Variants in ADGRL3 observed in about 807,000 individuals in gnomAD.
ADGRL3 encodes calcium-independent alpha-latrotoxin receptor 3.
In ADGRL3, 62 loss-of-function variants were observed where a neutral mutation model predicts 153.5. That is an observed-to-expected ratio of 0.40 (90% CI 0.33 to 0.50). The LOEUF (loss-of-function observed/expected upper bound fraction) is 0.50, where lower values mean the gene tolerates loss of function less well. Ranked by LOEUF, ADGRL3 falls within the 20% of genes least tolerant of loss-of-function variation. The pLI, the probability that ADGRL3 is intolerant of heterozygous loss-of-function variation, is 0.47. For synonymous variants in ADGRL3, 710 were observed against 672.5 expected, an observed-to-expected ratio of 1.06 and a Z score of -0.86; for missense variants, 1,641 against 1,859.4, an observed-to-expected ratio of 0.88 and a Z score of 2.16.
At chr4:61,501,035 G>T (rs977366816) in intron 3 of ADGRL3, among the ~76,000 whole-genome samples, 1 of 152,096 alleles carries the variant, frequency 6.6e-6, no homozygotes, top group African/African-American at 2.4e-5. Context: ...CAGAAACATT[G>T]ACCATCTGCC....
chr4:61,611,945 G>T (rs575919286), intron 5 of ADGRL3, among the ~76,000 whole-genome samples: 13 of 152,064 alleles, frequency 8.5e-5, no homozygotes, highest in Non-Finnish European at 1.3e-4. Context: ...TATATGGAAA[G>T]AAATCTTTTA....
intron 4 of ADGRL3, among the ~76,000 whole-genome samples, chr4:61,523,113 C>T (rs1041210603): frequency 6.6e-6 from 1 of 151,884 alleles, no homozygotes; most frequent in East Asian, 1.9e-4. Context: ...GCATATGAGA[C>T]GATGATGAGT....
At chr4:61,759,556 C>T (rs550163581) in intron 8 of ADGRL3, among the ~76,000 whole-genome samples, 2 of 152,194 alleles carry the variant, frequency 1.3e-5, no homozygotes, top group African/African-American at 4.8e-5. Context: ...ATTGGTTATT[C>T]TAGTTAGCCA....
Position 61,458,413 on chromosome 4 carries a change from T to G in ADGRL3, c.-173-38708T>G, listed in dbSNP as rs180785758. Among the ~76,000 whole-genome samples, 54 of 151,428 alleles carry G rather than the reference T, an allele frequency of 3.6e-4. No individual in the cohort carries two copies. In the East Asian group the frequency reaches 9.9e-3, roughly 28 times the overall value. On this transcript the variant is annotated intron_variant, in intron 2 of 26. Coordinates refer to ENST00000683033, the MANE Select transcript of ADGRL3 (RefSeq NM_001387552.1). ...AATTATTTGATGAGAAGGATTAATA[T>G]ATTATTAATTTTAGGACCAGAAGTA... is the stretch of plus-strand genomic sequence containing the variant.
intron 4 of ADGRL3, among the ~76,000 whole-genome samples, chr4:61,582,170 T>G (rs2149293709): frequency 6.6e-6 from 1 of 152,176 alleles, no homozygotes; most frequent in South Asian, 2.1e-4. Flanking sequence ...TAGCTCTTAT[T>G]ATTTTTTTCT....
At chr4:61,890,036 C>G (rs534497265) in intron 9 of ADGRL3, among the ~76,000 whole-genome samples, 65 of 152,308 alleles carry the variant, frequency 4.3e-4, no homozygotes, top group African/African-American at 1.4e-3. Context: ...AATTCTTACT[C>G]TAGTTCAGAG....
intron 4 of ADGRL3, among the ~76,000 whole-genome samples, chr4:61,564,449 AT>A (rs1378908800): frequency 6.6e-6 from 1 of 151,922 alleles, no homozygotes; most frequent in Non-Finnish European, 1.5e-5. Context: ...TGATTTCTGT[AT>A]TTTTTGTAGA....
At chr4:61,521,228 C>A (rs1177190541) in intron 4 of ADGRL3, among the ~76,000 whole-genome samples, 1 of 152,046 alleles carries the variant, frequency 6.6e-6, no homozygotes, top group African/African-American at 2.4e-5. Context: ...ACCTAACAGA[C>A]AAGTAGTAGT....
chr4:61,746,317 G>T (rs1483302519), intron 8 of ADGRL3, among the ~76,000 whole-genome samples: 1 of 150,402 alleles, frequency 6.6e-6, no homozygotes, highest in Non-Finnish European at 1.5e-5. Flanking sequence ...AAGTTAAAAA[G>T]GATACCCAGG....
At chr4:61,949,029 A>C (rs1164353573) in intron 17 of ADGRL3, among the ~76,000 whole-genome samples, 1 of 151,990 alleles carries the variant, frequency 6.6e-6, no homozygotes, top group African/African-American at 2.4e-5. Flanking sequence ...AAAAAAAAAA[A>C]AACACTAAGC....
intron 1 of ADGRL3, among the ~76,000 whole-genome samples, chr4:61,356,089 C>A (rs2096161189): frequency 1.3e-5 from 2 of 152,012 alleles, no homozygotes; most frequent in African/African-American, 4.8e-5. Flanking sequence ...ACAAATTTGA[C>A]TACACCTTCG....
At chr4:61,869,936 TAAAAAAAAAA>T (rs1190618911) in intron 9 of ADGRL3, among the ~76,000 whole-genome samples, 37 of 10,506 alleles carry the variant, frequency 3.5e-3, no homozygotes, top group South Asian at 5.6e-3. Context: ...AAAACTTTGT[TAAAAAAAAAA>T]AAAAAAAAAA....
At chr4:62,063,884 A>C (rs1485439698) in intron 25 of ADGRL3, among the ~76,000 whole-genome samples, 3 of 152,096 alleles carry the variant, frequency 2.0e-5, no homozygotes, top group Non-Finnish European at 2.9e-5. Flanking sequence ...ATAACGTTAT[A>C]AAATGTATTG....
At chr4:61,665,236 C>T (rs1406474694) in intron 5 of ADGRL3, among the ~76,000 whole-genome samples, 1 of 152,052 alleles carries the variant, frequency 6.6e-6, no homozygotes, top group African/African-American at 2.4e-5. Context: ...ATGGTGAAAC[C>T]CAGTCTCTAC....
At chr4:61,752,881 C>T (rs1320097290) in intron 8 of ADGRL3, among the ~76,000 whole-genome samples, 4 of 152,064 alleles carry the variant, frequency 2.6e-5, no homozygotes, top group Non-Finnish European at 4.4e-5. Context: ...TTGCAGTGAG[C>T]CAAGATTGCT....
chr4:61,642,204 T>A (rs1052465415), intron 5 of ADGRL3, among the ~76,000 whole-genome samples: 2 of 151,284 alleles, frequency 1.3e-5, no homozygotes, highest in Non-Finnish European at 3.0e-5. Flanking sequence ...GTCAGATGAG[T>A]AGGTTGCGAA....
intron 1 of ADGRL3, among the ~76,000 whole-genome samples, chr4:61,229,127 T>C (rs568173376): frequency 6.6e-6 from 1 of 152,328 alleles, no homozygotes; most frequent in Admixed American, 6.5e-5. Context: ...TGTGATCTTC[T>C]AGCCTATAGG....
chr4:61,309,266 G>A (rs2094912378), intron 1 of ADGRL3, among the ~76,000 whole-genome samples: 1 of 152,120 alleles, frequency 6.6e-6, no homozygotes, highest in South Asian at 2.1e-4. Context: ...TCCGAGGTCA[G>A]GACATCTGGT....
intron 4 of ADGRL3, among the ~76,000 whole-genome samples, chr4:61,578,308 A>G (rs1361751373): frequency 2.0e-5 from 3 of 152,030 alleles, no homozygotes; most frequent in African/African-American, 4.8e-5. Context: ...CTAAACTGTT[A>G]TCATTGGGAA....
Sources: gnomAD v4.1 joint callset for allele counts (sites outside exome capture counted in the v4.1 genomes callset) on GRCh38, gnomAD v4.1.1 for gene constraint, MANE v1.5 for transcripts, NCBI Gene and HGNC (gene_info 2026-07-23, HGNC 2026-07-21) for gene names.